PINX1: variants seen among roughly 807,000 people sequenced by gnomAD.
The protein encoded by PINX1 is PIN2 (TERF1) interacting telomerase inhibitor 1.
PINX1 carries 34 observed loss-of-function variants against 25.4 expected under a neutral mutation model. That is an observed-to-expected ratio of 1.34 (90% CI 1.02 to 1.78). The LOEUF (loss-of-function observed/expected upper bound fraction) is 1.78, where lower values mean the gene tolerates loss of function less well. Among genes scored for constraint, PINX1 ranks in the 40% most tolerant of loss-of-function variants. The probability of loss-of-function intolerance (pLI) is 0.00; values close to 1 mark genes in which losing one functional copy is unlikely to be tolerated. For synonymous variants in PINX1, 197 were observed against 147.7 expected, an observed-to-expected ratio of 1.33 and a Z score of -2.42; for missense variants, 592 against 404.9, an observed-to-expected ratio of 1.46 and a Z score of -3.97.
Position 10,765,336 on chromosome 8 carries a change from C to T in PINX1, c.*65G>A, listed in dbSNP as rs1193936002. On this transcript the variant is annotated 3_prime_UTR_variant, in exon 7 of 7. Coordinates refer to ENST00000314787, the MANE Select transcript of PINX1 (RefSeq NM_017884.6). ...GGTGAACTCTGCTGTGACTTCAGGC[C>T]AGAGGTGTCTGCCCCCGCAGTGCCC... 2 of 1,438,096 alleles carry T rather than the reference C, an allele frequency of 1.4e-6. No homozygotes were observed. Among genetic ancestry groups the T allele is most frequent in the African/African-American group, 2.8e-5 (2 of 70,596 alleles). The allele number at this position is 1,438,096 out of a possible 1,614,324, so 89.1% of individuals were successfully genotyped here.
At chr8:10,793,032 T>C (rs1421700201) in intron 6 of PINX1, among the ~76,000 whole-genome samples, 1 of 152,138 alleles carries the variant, frequency 6.6e-6, no homozygotes, top group Non-Finnish European at 1.5e-5. Flanking sequence ...AATGAACGTG[T>C]TTCCCGGCGT....
chr8:10,767,259 C>T (rs975377517), intron 6 of PINX1, among the ~76,000 whole-genome samples: 100 of 152,116 alleles, frequency 6.6e-4, no homozygotes, highest in African/African-American at 2.3e-3. Context: ...CCTGTATTGT[C>T]TCGACACAGT....
chr8:10,794,723 C>T (rs1250731040), intron 6 of PINX1, among the ~76,000 whole-genome samples: 1 of 152,202 alleles, frequency 6.6e-6, no homozygotes, highest in Non-Finnish European at 1.5e-5. Context: ...CCACTGCGCT[C>T]AGCTGCTGTT....
chr8:10,802,979 T>C (rs1427221936), intron 6 of PINX1, among the ~76,000 whole-genome samples: 1 of 152,182 alleles, frequency 6.6e-6, no homozygotes, highest in Non-Finnish European at 1.5e-5. Flanking sequence ...AACTTCACAC[T>C]TGCAGGATGA....
At chr8:10,778,051 G>T (rs367915615) in intron 6 of PINX1, among the ~76,000 whole-genome samples, 1 of 152,160 alleles carries the variant, frequency 6.6e-6, no homozygotes, top group African/African-American at 2.4e-5. Flanking sequence ...TCGATGAGCT[G>T]CTTTGTTCTC....
intron 6 of PINX1, among the ~76,000 whole-genome samples, chr8:10,806,246 G>C (rs893146206): frequency 6.6e-6 from 1 of 152,128 alleles, no homozygotes; most frequent in Non-Finnish European, 1.5e-5. Context: ...CTCCTTCACT[G>C]CACAGTGGGG....
At chr8:10,812,409 C>T (rs1344485149) in intron 6 of PINX1, among the ~76,000 whole-genome samples, 1 of 152,180 alleles carries the variant, frequency 6.6e-6, no homozygotes, top group African/African-American at 2.4e-5. Context: ...AAGGTCAGAG[C>T]TGGAAGGGCT....
intron 6 of PINX1, among the ~76,000 whole-genome samples, chr8:10,790,770 A>C (rs1471416369): frequency 6.6e-6 from 1 of 152,016 alleles, no homozygotes; most frequent in Non-Finnish European, 1.5e-5. Flanking sequence ...TCTGCTGCTA[A>C]AGGGATCTTT....
Position 10,765,408 on chromosome 8 carries a change from G to A in PINX1, c.980C>T (p.Ser327Phe). 1.2e-6 allele frequency: 2 copies of A among 1,600,990 alleles called. No homozygotes were observed. The highest frequency in any genetic ancestry group is 2.2e-5 in the South Asian group (2 of 89,940). Reference sequence around the variant, plus strand: ...GCCCCGGCTGGGAAGGATTCATTTGGAATCTTTCTTCTTCTTCTTTTTCAC... The same window carrying A: ...GCCCCGGCTGGGAAGGATTCATTTGAAATCTTTCTTCTTCTTCTTTTTCAC... ...TLVKKKKKKD[S>F]K is the part of the protein sequence containing the mutation. The change falls in exon 7 of 7, where the codon TCC becomes TTC. Residue 327 changes from serine to phenylalanine, a missense_variant. Transcript: ENST00000314787.
chr8:10,792,068 G>A (rs1159460741), intron 6 of PINX1, among the ~76,000 whole-genome samples: 1 of 152,176 alleles, frequency 6.6e-6, no homozygotes, highest in East Asian at 1.9e-4. Context: ...GAGCTTGTCT[G>A]TATTACGATC....
chr8:10,831,778 C>T (rs1322662522), intron 3 of PINX1, 35 bp from the exon 4 acceptor site: 2 of 1,217,112 alleles, frequency 1.6e-6, no homozygotes. Context: ...AGAGGTAAGC[C>T]TGTAGTTTAC....
intron 6 of PINX1, among the ~76,000 whole-genome samples, chr8:10,777,781 T>A (rs1430305042): frequency 6.6e-6 from 1 of 152,332 alleles, no homozygotes; most frequent in Admixed American, 6.5e-5. Flanking sequence ...TTTCATTGCT[T>A]CGCACTCTGC....
At chr8:10,793,976 G>A (rs902702325) in intron 6 of PINX1, among the ~76,000 whole-genome samples, 1 of 152,158 alleles carries the variant, frequency 6.6e-6, no homozygotes, top group South Asian at 2.1e-4. Flanking sequence ...TAAAAGCTAC[G>A]CTGCTCAACA....
chr8:10,823,010 A>G (rs1797923964), intron 5 of PINX1, among the ~76,000 whole-genome samples: 1 of 152,210 alleles, frequency 6.6e-6, no homozygotes, highest in Non-Finnish European at 1.5e-5. Context: ...AGGGCAGAAG[A>G]TAAGGGTAAC....
At chr8:10,789,400 G>A (rs1253553950) in intron 6 of PINX1, among the ~76,000 whole-genome samples, 2 of 152,178 alleles carry the variant, frequency 1.3e-5, no homozygotes, top group African/African-American at 4.8e-5. Flanking sequence ...ATTAACACAT[G>A]CATCACTTCT....
At chr8:10,824,720 A>T (rs1428314621) in intron 5 of PINX1, among the ~76,000 whole-genome samples, 1 of 152,240 alleles carries the variant, frequency 6.6e-6, no homozygotes, top group Non-Finnish European at 1.5e-5. Flanking sequence ...AAATTAGAAG[A>T]TTCTACCTGT....
At chr8:10,796,521 G>A (rs1408226767) in intron 6 of PINX1, among the ~76,000 whole-genome samples, 2 of 152,174 alleles carry the variant, frequency 1.3e-5, no homozygotes, top group Non-Finnish European at 2.9e-5. Flanking sequence ...GGCCAGGCAT[G>A]CCTTCCGGGC....
chr8:10,796,738 A>G (rs1344780811), intron 6 of PINX1, among the ~76,000 whole-genome samples: 1 of 152,108 alleles, frequency 6.6e-6, no homozygotes, highest in Admixed American at 6.5e-5. Context: ...AGCTGTTAAA[A>G]AAAAAAAGGG....
intron 4 of PINX1, 94 bp from the exon 5 acceptor site, chr8:10,826,338 A>G: frequency 1.6e-6 from 1 of 632,170 alleles, no homozygotes; most frequent in Middle Eastern, 4.2e-4. Context: ...AAATTTTAGG[A>G]GCCCTATCAT....
Sources: gnomAD v4.1 joint callset for allele counts (sites outside exome capture counted in the v4.1 genomes callset) on GRCh38, gnomAD v4.1.1 for gene constraint, MANE v1.5 for transcripts, NCBI Gene and HGNC (gene_info 2026-07-23, HGNC 2026-07-21) for gene names.